The following MYH10 variants were observed in gnomAD, a reference collection of about 807,000 sequenced individuals.
The protein encoded by MYH10 is myosin heavy chain 10, also known as myosin-10.
In MYH10, 55 loss-of-function variants were observed where a neutral mutation model predicts 257.8. That is an observed-to-expected ratio of 0.21 (90% CI 0.17 to 0.27). The LOEUF is 0.27. Ranked by LOEUF, MYH10 falls within the 10% of genes least tolerant of loss-of-function variation. MYH10 has a pLI of 1.00. For synonymous variants in MYH10, 854 were observed against 921.7 expected, an observed-to-expected ratio of 0.93 and a Z score of 1.33; for missense variants, 1,631 against 2,500.6, an observed-to-expected ratio of 0.65 and a Z score of 7.42.
chr17:8,606,601 C>A (rs2084820197), intron 2 of MYH10, among the ~76,000 whole-genome samples: 1 of 152,160 alleles, frequency 6.6e-6, no homozygotes, highest in Non-Finnish European at 1.5e-5. Flanking sequence ...TAATGCTAAA[C>A]CAAGAGAATG....
intron 17 of MYH10, among the ~76,000 whole-genome samples, chr17:8,523,672 G>C (rs2081735903): frequency 6.6e-6 from 1 of 152,204 alleles, no homozygotes; most frequent in African/African-American, 2.4e-5. Context: ...TGGAAGTGGG[G>C]AGGCCAGACA....
intron 28 of MYH10, among the ~76,000 whole-genome samples, chr17:8,503,945 G>A (rs1470105801): frequency 6.6e-6 from 1 of 152,088 alleles, no homozygotes; most frequent in Non-Finnish European, 1.5e-5. Context: ...CCTCTGCCAG[G>A]ACAGCAAGCT....
At position 8,545,549 on chromosome 17, in the gene MYH10, G is replaced by A. The variant is rs2082417588; in HGVS notation, c.1330C>T (p.Arg444Cys). 1.2e-6 allele frequency: 2 copies of A among 1,614,108 alleles called. No homozygotes were observed. The highest frequency in any genetic ancestry group is 1.6e-4 in the Middle Eastern group (1 of 6,062). Residue 444 changes from arginine to cysteine, a missense_variant, in exon 13 of 43, where the codon CGC (arginine) becomes TGC (cysteine). Physicochemically the swap from Arg to Cys is radical, Grantham distance 180 (BLOSUM62 -3). Transcript: ENST00000360416. This position sits in a 1 kb window ranked among gnomAD's most constrained non-coding sequence, Gnocchi z 4.7. ...LAKATYERLFRWLVHRINKAL... is the reference protein window; with the variant it reads ...LAKATYERLFCWLVHRINKAL... ...TTATTGATGCGATGAACGAGCCAGC[G>A]AAAGAGCCGCTCATAGGTAGCTTTT...
Position 8,569,797 on chromosome 17 carries a change from G to C in MYH10, c.679C>G (p.Gln227Glu), listed in dbSNP as rs1197465357. The change falls in exon 7 of 43, where the codon CAG becomes GAG. Residue 227 changes from glutamine (Q) to glutamate (E), a missense_variant. By Grantham distance (29) the Gln-to-Glu change is conservative (BLOSUM62 2). Coordinates refer to ENST00000360416, the MANE Select transcript of MYH10 (RefSeq NM_001256012.3). This position sits in a 1 kb window ranked among gnomAD's most constrained non-coding sequence, Gnocchi z 4.1. The stretch of plus-strand genomic sequence containing the variant: ...AGAATTGGATTTGCTTGCAAAAGCT[G>C]CCGTTCAAGTTCCCCCTAAAAGACA... ...PVKHQGELERQLLQANPILES... is the reference protein window; with the variant it reads ...PVKHQGELERELLQANPILES... 1 of 1,611,500 alleles carries C rather than the reference G, an allele frequency of 6.2e-7. No individual in the cohort carries two copies. Among genetic ancestry groups the C allele is most frequent in the Non-Finnish European group, 8.5e-7 (1 of 1,178,688 alleles).
At position 8,506,921 on chromosome 17, in the gene MYH10, T is replaced by G. The variant is rs1362880938; in HGVS notation, c.3215-432A>C. 2.6e-5 allele frequency among the ~76,000 whole-genome samples: 4 copies of G among 152,202 alleles called. No individual in the cohort carries two copies. The highest frequency in any genetic ancestry group is 5.9e-5 in the Non-Finnish European group (4 of 68,030). On this transcript the variant is annotated intron_variant, in intron 26 of 42. Transcript: ENST00000360416. This position sits in a 1 kb window ranked among gnomAD's most constrained non-coding sequence, Gnocchi z 5.0. ...TTCTGAACCAAGAAAACTGCCATCC[T>G]CGAGTACTGGGAGAGAGGAGACAGA...
intron 19 of MYH10, 88 bp from the exon 20 acceptor site, chr17:8,519,038 A>T: frequency 4.1e-6 from 4 of 976,312 alleles, no homozygotes; most frequent in Non-Finnish European, 6.2e-6. Context: ...AAGAGGCAAT[A>T]AAATGTTGGG....
At chr17:8,478,880 C>T (rs1445403235) in intron 40 of MYH10, among the ~76,000 whole-genome samples, 1 of 152,168 alleles carries the variant, frequency 6.6e-6, no homozygotes, top group South Asian at 2.1e-4. Flanking sequence ...ACAAGGCATG[C>T]ACCACCACGC....
intron 6 of MYH10, among the ~76,000 whole-genome samples, chr17:8,571,753 C>A (rs116677304): frequency 0.013 from 1,943 of 152,042 alleles, 35 homozygotes; most frequent in African/African-American, 0.045. Context: ...GCGAGAGACT[C>A]ATCTCCAAAA....
chr17:8,570,965 A>G (rs1442947123), intron 6 of MYH10, among the ~76,000 whole-genome samples: 1 of 152,178 alleles, frequency 6.6e-6, no homozygotes, highest in Non-Finnish European at 1.5e-5. Flanking sequence ...GATCTGGACT[A>G]TCCGCATGTT....
chr17:8,535,446 T>C lies in MYH10; in HGVS notation c.1835A>G (p.Asn612Ser), dbSNP rs760143127. 3 of 1,614,118 alleles carry C rather than the reference T, an allele frequency of 1.9e-6. No homozygotes were observed. Among genetic ancestry groups the C allele is most frequent in the Non-Finnish European group, 1.7e-6 (2 of 1,179,998 alleles). The change falls in exon 16 of 43, where the codon AAC (asparagine) becomes AGC (serine). Residue 612 changes from asparagine (N) to serine (S), a missense_variant. By Grantham distance (46) the Asn-to-Ser change is conservative. Transcript: ENST00000360416. The surrounding 1 kb of genome is among the most constrained non-coding windows in gnomAD (Gnocchi z 4.3). ...LMKNMDPLND[N>S]VATLLHQSSD... ...TGACTGGTGCAAAAGGGTGGCCACG[T>C]TGTCATTCAGGGGGTCCATATTCTT... is the stretch of plus-strand genomic sequence containing the variant.
intron 25 of MYH10, among the ~76,000 whole-genome samples, chr17:8,509,587 C>T (rs988407233): frequency 6.6e-6 from 1 of 152,132 alleles, no homozygotes; most frequent in East Asian, 1.9e-4. Flanking sequence ...GCACATGTTA[C>T]AAGTCTAAAA....
rs765185284 is a variant in MYH10, at chr17:8,490,309, C to T, written c.4884+31G>A. On this transcript the variant is annotated intron_variant, in intron 35 of 42. Coordinates refer to ENST00000360416, the MANE Select transcript of MYH10 (RefSeq NM_001256012.3). The surrounding 1 kb of genome is among the most constrained non-coding windows in gnomAD (Gnocchi z 4.1). ...AGCTGGGCTTTGAGAGCCTGCACCCCTTGTTGTGGAGGCCGCACCCTCTGC... is the reference window on the plus strand; with the variant it reads ...AGCTGGGCTTTGAGAGCCTGCACCCTTTGTTGTGGAGGCCGCACCCTCTGC... 4.4e-6 allele frequency: 7 copies of T among 1,605,810 alleles called. No individual in the cohort carries two copies. Among genetic ancestry groups the T allele is most frequent in the African/African-American group, 1.3e-5 (1 of 74,982 alleles).
At chr17:8,494,915 C>T (rs576937340) in intron 31 of MYH10, among the ~76,000 whole-genome samples, 1 of 152,356 alleles carries the variant, frequency 6.6e-6, no homozygotes, top group Non-Finnish European at 1.5e-5. Context: ...TCTCCGAGGC[C>T]ACCCACGTGC....
At chr17:8,514,575 TCTA>T (rs1322509873) in intron 21 of MYH10, among the ~76,000 whole-genome samples, 6 of 151,836 alleles carry the variant, frequency 4.0e-5, no homozygotes, top group Non-Finnish European at 8.8e-5. Context: ...TCGCCTTCAC[TCTA>T]CTATTTTTCA....
At chr17:8,566,493 A>G (rs1307841411) in intron 7 of MYH10, among the ~76,000 whole-genome samples, 1 of 152,142 alleles carries the variant, frequency 6.6e-6, no homozygotes, top group Non-Finnish European at 1.5e-5. Flanking sequence ...GCTGCCTCCA[A>G]AGCCAGGAAC....
Position 8,484,146 on chromosome 17 carries a change from A to G in MYH10, c.5167T>C (p.Leu1723=), listed in dbSNP as rs752597746. 6.3e-7 allele frequency: 1 copy of G among 1,593,448 alleles called. No individual in the cohort carries two copies. Among genetic ancestry groups the G allele is most frequent in the Admixed American group, 1.8e-5 (1 of 54,916 alleles). The stretch of plus-strand genomic sequence containing the variant: ...ATAAGTAACAAACCAACCTCCTGCA[A>G]TTGAAGGATTTCTGCTTCCAGACTC... ...LKSLEAEILQ[L]QEELASSERA... The change falls in exon 37 of 43, where the codon TTG becomes CTG. Residue 1723 remains leucine (L), a synonymous_variant. Coordinates refer to ENST00000360416, the MANE Select transcript of MYH10 (RefSeq NM_001256012.3).
intron 13 of MYH10, among the ~76,000 whole-genome samples, chr17:8,542,594 T>C (rs1291605043): frequency 6.6e-6 from 1 of 152,266 alleles, no homozygotes; most frequent in Non-Finnish European, 1.5e-5. Context: ...ATTCAGTTCT[T>C]ATTAGTGAAT....
chr17:8,599,550 T>C (rs2084513455), intron 3 of MYH10, among the ~76,000 whole-genome samples: 1 of 152,128 alleles, frequency 6.6e-6, no homozygotes, highest in Admixed American at 6.6e-5. Flanking sequence ...TCCTCCCTCC[T>C]CCTCACTCTC....
intron 17 of MYH10, among the ~76,000 whole-genome samples, chr17:8,526,540 C>T (rs1329984006): frequency 2.0e-5 from 3 of 152,216 alleles, no homozygotes; most frequent in Admixed American, 6.5e-5. Flanking sequence ...TTTCTTCTAA[C>T]ACCTAATTTA....
Sources: allele counts gnomAD v4.1 joint callset (sites outside exome capture counted in the v4.1 genomes callset), GRCh38; gene constraint gnomAD v4.1.1; non-coding constraint Gnocchi (gnomAD v3.1); transcripts MANE v1.5; gene names NCBI Gene and HGNC (gene_info 2026-07-23, HGNC 2026-07-21).